The following RNASE4 variants were observed in gnomAD, a reference collection of about 807,000 sequenced individuals.
RNASE4 encodes ribonuclease A family member 4.
For synonymous variants in RNASE4, 93 were observed against 71.4 expected (o/e 1.30, Z -1.52); for missense variants, 194 against 192.8 (o/e 1.01, Z -0.04).
chr14:20,694,460 T>C (rs1358475723), intron 1 of RNASE4, among the ~76,000 whole-genome samples: 1 of 152,012 alleles, frequency 6.6e-6, no homozygotes, highest in Admixed American at 6.6e-5. Flanking sequence ...CCACCACACC[T>C]GGCTAATTTT....
At chr14:20,685,815 G>A (rs1323476241) in intron 1 of RNASE4, among the ~76,000 whole-genome samples, 1 of 152,084 alleles carries the variant, frequency 6.6e-6, no homozygotes, top group Non-Finnish European at 1.5e-5. Flanking sequence ...GCCGAGGTGG[G>A]TGCATCACAA....
At chr14:20,691,107 C>T (rs36071889) in intron 1 of RNASE4, among the ~76,000 whole-genome samples, 36,142 of 152,166 alleles carry the variant, frequency 0.24, 4,474 homozygotes, top group East Asian at 0.44. Flanking sequence ...CTCATACTCC[C>T]TTCTGTGAAC....
chr14:20,690,476 A>ATT (rs1886688485), intron 1 of RNASE4, among the ~76,000 whole-genome samples: 1 of 152,124 alleles, frequency 6.6e-6, no homozygotes, highest in Non-Finnish European at 1.5e-5. Flanking sequence ...TGAGGAATTT[A>ATT]GAGTTGAATA....
Position 20,699,648 on chromosome 14 carries a change from AAGAACGGCAAGATGAACTGCC to A in RNASE4, c.279_299del (p.Lys93_His100delinsAsn). 6 of 1,612,600 alleles carry A rather than the reference AAGAACGGCAAGATGAACTGCC, an allele frequency of 3.7e-6. No homozygotes were observed. Among genetic ancestry groups the A allele is most frequent in the Non-Finnish European group, 5.1e-6 (6 of 1,180,032 alleles). On this transcript the variant is annotated inframe_deletion, in exon 2 of 2. Coordinates refer to ENST00000555835, the MANE Select transcript of RNASE4 (RefSeq NM_002937.5). The stretch of plus-strand genomic sequence containing the variant: ...CTGCAGCACCACCAATATCCAATGC[AAGAACGGCAAGATGAACTGCC>A]ATGAGGGTGTAGTGAAGGTCACAGA...
At chr14:20,688,407 T>C (rs1392604628) in intron 1 of RNASE4, among the ~76,000 whole-genome samples, 1 of 152,184 alleles carries the variant, frequency 6.6e-6, no homozygotes, top group East Asian at 1.9e-4. Flanking sequence ...GAAGACCATA[T>C]CTTACTCTGT....
chr14:20,688,750 T>C (rs1886545659), intron 1 of RNASE4: 1 of 985,222 alleles, frequency 1.0e-6, no homozygotes, highest in Non-Finnish European at 1.2e-6. Context: ...AGGAACACTA[T>C]ATAATCAGAA....
intron 1 of RNASE4, among the ~76,000 whole-genome samples, chr14:20,697,054 T>A (rs187354537): frequency 2.0e-5 from 3 of 152,342 alleles, no homozygotes; most frequent in East Asian, 3.9e-4. Context: ...CTCTTGTAGC[T>A]ACAGCTTTGA....
At chr14:20,694,339 G>A (rs1241985772) in intron 1 of RNASE4, among the ~76,000 whole-genome samples, 5 of 121,688 alleles carry the variant, frequency 4.1e-5, no homozygotes, top group East Asian at 2.5e-4. Flanking sequence ...TCACTCTGTC[G>A]CCCAGGCTTA....
chr14:20,699,759 C>A lies in RNASE4; in HGVS notation c.388C>A (p.Arg130Ser), dbSNP rs756611890. ...CRYRAIASTR[R>S]VVIACEGNPQ... ...ATATCGGGCCATAGCGAGCACTAGA[C>A]GTGTTGTCATTGCCTGTGAGGGTAA... Residue 130 changes from arginine to serine, a missense_variant, in exon 2 of 2, where the codon CGT becomes AGT. By Grantham distance (110) the Arg-to-Ser change is moderately radical. Coordinates refer to ENST00000555835, the MANE Select transcript of RNASE4 (RefSeq NM_002937.5). 9 of 1,611,984 alleles carry A rather than the reference C, an allele frequency of 5.6e-6. No individual in the cohort carries two copies. Among genetic ancestry groups the A allele is most frequent in the Admixed American group, 1.7e-5 (1 of 60,002 alleles).
chr14:20,694,070 C>T, intron 1 of RNASE4: 1 of 1,586,594 alleles, frequency 6.3e-7, no homozygotes. Context: ...CCCTCTGCAC[C>T]CAGAACAGTG....
Position 20,686,039 on chromosome 14 carries a change from T to TAA in RNASE4, c.-18+1300_-18+1301dup, listed in dbSNP as rs11378368. Among the ~76,000 whole-genome samples, 989 of 137,932 alleles carry TAA rather than the reference T, an allele frequency of 7.2e-3. 9 individuals are homozygous for TAA. The highest frequency in any genetic ancestry group is 0.027 in the Middle Eastern group (7 of 264). The allele number at this position is 137,932 out of a possible 152,430, so 90.5% of individuals were successfully genotyped here. On this transcript the variant is annotated intron_variant, in intron 1 of 1. Transcript: ENST00000555835. ...TGGGTGACAGAGCAAGACTCCGTCT[T>TAA]AAAAAAAAAAAAAAAAAAAATTGTG...
rs1315707918 is a variant in RNASE4 at position 20,693,536 on chromosome 14, G to T, written c.-17-5819G>T. The T allele has an allele frequency of 2.5e-6, 4 of 1,609,264 alleles. No homozygotes were observed. The South Asian group carries it at 4.4e-5, about 18-fold the overall frequency. The stretch of plus-strand genomic sequence containing the variant: ...TCTTGGGTCTACCACACCTCCTTTT[G>T]CCCTCCGCAGGAGCCTGTGTTGGAA... On this transcript the variant is annotated intron_variant, in intron 1 of 1. Coordinates refer to ENST00000555835, the MANE Select transcript of RNASE4 (RefSeq NM_002937.5).
chr14:20,697,874 G>T (rs1390602210), intron 1 of RNASE4, among the ~76,000 whole-genome samples: 2 of 152,176 alleles, frequency 1.3e-5, no homozygotes, highest in Non-Finnish European at 2.9e-5. Flanking sequence ...TACACTGCAA[G>T]AATCAAGCCG....
chr14:20,696,728 T>C (rs1156730350), intron 1 of RNASE4, among the ~76,000 whole-genome samples: 7 of 149,512 alleles, frequency 4.7e-5, no homozygotes, highest in Non-Finnish European at 8.9e-5. Flanking sequence ...AAAATGGAAG[T>C]GGTAAAAAAA....
Position 20,699,466 on chromosome 14 carries a change from T to G in RNASE4, c.95T>G (p.Met32Arg). 6.2e-7 allele frequency: 1 copy of G among 1,614,074 alleles called. No individual in the cohort carries two copies. The highest frequency in any genetic ancestry group is 1.1e-5 in the South Asian group (1 of 91,084). The change falls in exon 2 of 2, where the codon ATG becomes AGG. Residue 32 changes from methionine to arginine, a missense_variant. Met to Arg is a moderately conservative substitution (Grantham distance 91). Coordinates refer to ENST00000555835, the MANE Select transcript of RNASE4 (RefSeq NM_002937.5). ...CAGCCCTCCTATGGCCAGGATGGCA[T>G]GTACCAGCGATTCCTGCGGCAACAC... is the stretch of plus-strand genomic sequence containing the variant. ...LVQPSYGQDG[M>R]YQRFLRQHVH...
Position 20,700,013 on chromosome 14 carries a change from C to A in RNASE4, c.*198C>A. 1.7e-6 allele frequency: 1 copy of A among 593,194 alleles called. No individual in the cohort carries two copies. Among genetic ancestry groups the A allele is most frequent in the Non-Finnish European group, 3.0e-6 (1 of 328,444 alleles). 36.7% of individuals were successfully genotyped at this position (593,194 alleles called of 1,614,324 possible). A position where few individuals can be genotyped will look rare whatever the true frequency, so the allele number is the denominator to read the frequency against. On this transcript the variant is annotated 3_prime_UTR_variant, in exon 2 of 2. Coordinates refer to ENST00000555835, the MANE Select transcript of RNASE4 (RefSeq NM_002937.5). ...TAAACCTGTAATGAATGAGGCTGGGCTTTTCTGTAATAAGCTTCCTTTTAT... is the reference window on the plus strand; with the variant it reads ...TAAACCTGTAATGAATGAGGCTGGGATTTTCTGTAATAAGCTTCCTTTTAT...
intron 1 of RNASE4, among the ~76,000 whole-genome samples, chr14:20,689,602 A>C (rs1394938685): frequency 1.3e-5 from 2 of 152,192 alleles, no homozygotes; most frequent in African/African-American, 4.8e-5. Context: ...TTCATTTGAT[A>C]CAGAAGATAA....
In RNASE4 at chr14:20,699,577, G is replaced by C. The variant is rs532574894; in HGVS notation, c.206G>C (p.Arg69Pro). 1 of 1,614,152 alleles carries C rather than the reference G, an allele frequency of 6.2e-7. No homozygotes were observed. The highest frequency in any genetic ancestry group is 1.3e-5 in the African/African-American group (1 of 75,050). Reference sequence around the variant, plus strand: ...AAGATGACTTTGTATCACTGCAAGCGCTTCAACACCTTCATCCATGAAGAT... The same window carrying C: ...AAGATGACTTTGTATCACTGCAAGCCCTTCAACACCTTCATCCATGAAGAT... The part of the protein sequence containing the change: ...RRKMTLYHCK[R>P]FNTFIHEDIW... The change falls in exon 2 of 2, where the codon CGC becomes CCC. Residue 69 changes from arginine (R) to proline (P), a missense_variant. Transcript: ENST00000555835.
rs146528738 is a variant in RNASE4, at chr14:20,699,599, A to C, written c.228A>C (p.Glu76Asp). ...AGCGCTTCAACACCTTCATCCATGAAGATATCTGGAACATTCGTAGTATCT... is the reference window on the plus strand; with the variant it reads ...AGCGCTTCAACACCTTCATCCATGACGATATCTGGAACATTCGTAGTATCT... ...HCKRFNTFIH[E>D]DIWNIRSICS... is the part of the protein sequence containing the mutation. Residue 76 changes from glutamate to aspartate, a missense_variant, in exon 2 of 2, where the codon GAA becomes GAC. Glu to Asp is a conservative substitution (Grantham distance 45, BLOSUM62 2). Transcript: ENST00000555835. 1,153 of 1,614,152 alleles carry C rather than the reference A, an allele frequency of 7.1e-4. 8 individuals carry two copies. In the African/African-American group the frequency reaches 0.014, roughly 19 times the overall value.
Sources: allele counts gnomAD v4.1 joint callset (sites outside exome capture counted in the v4.1 genomes callset), GRCh38; gene constraint gnomAD v4.1.1; transcripts MANE v1.5; gene names NCBI Gene and HGNC (gene_info 2026-07-23, HGNC 2026-07-21).